Variants in FHIT observed in about 807,000 individuals in gnomAD.
The protein encoded by FHIT is fragile histidine triad diadenosine triphosphatase.
A neutral mutation model predicts 17.9 loss-of-function variants in FHIT; 19 were observed. The observed-to-expected ratio is 1.06, with a 90% confidence interval of 0.74 to 1.56. FHIT has a LOEUF of 1.56. Among genes scored for constraint, FHIT ranks in the 40% most tolerant of loss-of-function variants. FHIT has a pLI of 0.00. For missense variants in FHIT, 248 were observed against 189.2 expected (o/e 1.31, Z -1.82); for synonymous variants, 81 against 69.7 (o/e 1.16, Z -0.81).
At chr3:60,946,402 C>G (rs945411618) in intron 3 of FHIT, among the ~76,000 whole-genome samples, 1 of 152,148 alleles carries the variant, frequency 6.6e-6, no homozygotes. Flanking sequence ...AACTTCTGCC[C>G]TCTAAATACC....
intron 4 of FHIT, among the ~76,000 whole-genome samples, chr3:60,580,428 T>C (rs17669257): frequency 0.27 from 41,023 of 152,074 alleles, 6,153 homozygotes; most frequent in Non-Finnish European, 0.34. Flanking sequence ...ATTATGATGA[T>C]AGGAATTACT....
intron 7 of FHIT, 43 bp from the exon 8 acceptor site, chr3:59,922,457 A>T (rs751032440): frequency 6.6e-7 from 1 of 1,523,550 alleles, no homozygotes; most frequent in South Asian, 1.1e-5. Context: ...TTATCTCCCC[A>T]TGTATTTTTA....
chr3:59,981,837 T>G (rs1708668016), intron 7 of FHIT, among the ~76,000 whole-genome samples: 1 of 152,094 alleles, frequency 6.6e-6, no homozygotes, highest in African/African-American at 2.4e-5. Flanking sequence ...TTTCTGGAAT[T>G]CAAGAAAAAG....
chr3:60,289,246 T>C (rs2106646124), intron 5 of FHIT, among the ~76,000 whole-genome samples: 1 of 152,324 alleles, frequency 6.6e-6, no homozygotes, highest in South Asian at 2.1e-4. Flanking sequence ...GGTTCTCTCA[T>C]TTCAAAATGA....
intron 4 of FHIT, among the ~76,000 whole-genome samples, chr3:60,788,506 A>G (rs1700660495): frequency 6.6e-6 from 1 of 152,160 alleles, no homozygotes; most frequent in Non-Finnish European, 1.5e-5. Flanking sequence ...ATGTGTATAT[A>G]TGTATGTTTA....
rs185535389 is a variant in FHIT, at chr3:60,207,329, C to T, written c.104-193177G>A. Among the ~76,000 whole-genome samples, 717 of 152,160 alleles carry T rather than the reference C, an allele frequency of 4.7e-3. 1 individual carries two copies. The highest frequency in any genetic ancestry group is 7.6e-3 in the Non-Finnish European group (517 of 67,996). ...AATATAAGACAGCCATCTCAACAAT[C>T]GTGTCCAGTCATTCAGCAATCAGCC... On this transcript the variant is annotated intron_variant, in intron 5 of 9. Coordinates refer to ENST00000492590, the MANE Select transcript of FHIT (RefSeq NM_002012.4).
At chr3:60,118,383 T>G (rs1005796800) in intron 5 of FHIT, among the ~76,000 whole-genome samples, 6 of 151,814 alleles carry the variant, frequency 4.0e-5, no homozygotes, top group Non-Finnish European at 8.8e-5. Flanking sequence ...GCTGGGATTA[T>G]ACGTGTGAGC....
intron 5 of FHIT, among the ~76,000 whole-genome samples, chr3:60,078,091 C>T (rs1703112333): frequency 6.6e-6 from 1 of 151,828 alleles, no homozygotes; most frequent in Admixed American, 6.6e-5. Flanking sequence ...ACAATCATCA[C>T]AAAAGTAACT....
At chr3:60,342,498 G>A (rs1029151578) in intron 5 of FHIT, among the ~76,000 whole-genome samples, 9 of 152,284 alleles carry the variant, frequency 5.9e-5, no homozygotes, top group African/African-American at 2.2e-4. Flanking sequence ...TATACAGTTT[G>A]TGTCTTTAAA....
intron 5 of FHIT, among the ~76,000 whole-genome samples, chr3:60,195,058 C>G (rs532678204): frequency 4.6e-5 from 7 of 152,136 alleles, no homozygotes; most frequent in African/African-American, 1.7e-4. Flanking sequence ...CCCAGCTACT[C>G]AGGGGGCTGA....
At chr3:60,258,091 CA>C (rs1706103160) in intron 5 of FHIT, among the ~76,000 whole-genome samples, 1 of 149,812 alleles carries the variant, frequency 6.7e-6, no homozygotes, top group Admixed American at 6.7e-5. Context: ...CACACACACA[CA>C]CACACACACC....
At position 60,938,483 on chromosome 3, in the gene FHIT, G is replaced by A. The variant is rs538697887; in HGVS notation, c.-111+103564C>T. Among the ~76,000 whole-genome samples the A allele has an allele frequency of 5.9e-5, 9 of 152,300 alleles. No homozygotes were observed. The South Asian group carries it at 1.7e-3, about 28-fold the overall frequency. On this transcript the variant is annotated intron_variant, in intron 3 of 9. Transcript: ENST00000492590. ...ATAAAACCAGAATGTCAAAGTAGTAGTCTACGATTTGCAGTATAGCTGTTG... is the reference window on the plus strand; with the variant it reads ...ATAAAACCAGAATGTCAAAGTAGTAATCTACGATTTGCAGTATAGCTGTTG...
At chr3:60,090,221 C>G (rs1703671984) in intron 5 of FHIT, among the ~76,000 whole-genome samples, 1 of 152,072 alleles carries the variant, frequency 6.6e-6, no homozygotes, top group Admixed American at 6.6e-5. Flanking sequence ...AGTGCCCAAC[C>G]AAAGAGACTG....
intron 4 of FHIT, among the ~76,000 whole-genome samples, chr3:60,707,204 T>A (rs1450266652): frequency 6.6e-6 from 1 of 152,164 alleles, no homozygotes. Context: ...TCTGCAAACC[T>A]TTTGCATACA....
At chr3:59,832,801 AG>A (rs1701210560) in intron 8 of FHIT, among the ~76,000 whole-genome samples, 1 of 152,196 alleles carries the variant, frequency 6.6e-6, no homozygotes, top group African/African-American at 2.4e-5. Context: ...TGGGGATGCT[AG>A]GGGCTATCTT....
intron 5 of FHIT, among the ~76,000 whole-genome samples, chr3:60,452,872 C>T (rs2031838616): frequency 6.6e-6 from 1 of 152,084 alleles, no homozygotes; most frequent in South Asian, 2.1e-4. Flanking sequence ...TGAAAGTATG[C>T]AAATGTAAGT....
At chr3:60,335,645 C>G (rs564016633) in intron 5 of FHIT, among the ~76,000 whole-genome samples, 2 of 152,144 alleles carry the variant, frequency 1.3e-5, no homozygotes, top group African/African-American at 4.8e-5. Flanking sequence ...TTAGATATGT[C>G]CTGGATTTCA....
Position 61,197,812 on chromosome 3 carries a change from C to A in FHIT, c.-164+2805G>T, listed in dbSNP as rs541720972. 5.3e-5 allele frequency among the ~76,000 whole-genome samples: 8 copies of A among 152,032 alleles called. 1 individual carries two copies. The highest frequency in any genetic ancestry group is 2.4e-5 in the African/African-American group (1 of 41,398). ...TCCCCATGACACAAAGAGACCAGGGCCCCAGAAATTGGGAGGGATGACTTC... is the reference window on the plus strand; with the variant it reads ...TCCCCATGACACAAAGAGACCAGGGACCCAGAAATTGGGAGGGATGACTTC... On this transcript the variant is annotated intron_variant, in intron 2 of 9. Coordinates refer to ENST00000492590, the MANE Select transcript of FHIT (RefSeq NM_002012.4).
chr3:61,168,472 T>G (rs1295558159), intron 2 of FHIT, among the ~76,000 whole-genome samples: 1 of 152,246 alleles, frequency 6.6e-6, no homozygotes, highest in Non-Finnish European at 1.5e-5. Flanking sequence ...GGCACAACTT[T>G]CTCAATTTCA....
Sources: gnomAD v4.1 joint callset for allele counts (sites outside exome capture counted in the v4.1 genomes callset) on GRCh38, gnomAD v4.1.1 for gene constraint, MANE v1.5 for transcripts, NCBI Gene and HGNC (gene_info 2026-07-23, HGNC 2026-07-21) for gene names.